ZNF74: variants seen among roughly 807,000 people sequenced by gnomAD.
The protein encoded by ZNF74 is zinc finger protein 74, also known as zinc finger protein 520.
A neutral mutation model predicts 17.7 loss-of-function variants in ZNF74; 12 were observed. The ratio of observed to expected loss-of-function variants is 0.68; its 90% CI spans 0.43 to 1.10. The LOEUF (loss-of-function observed/expected upper bound fraction) is 1.10, where lower values mean the gene tolerates loss of function less well. Ranked by LOEUF, ZNF74 falls within the 50% of genes least tolerant of loss-of-function variation. The pLI, the probability that ZNF74 is intolerant of heterozygous loss-of-function variation, is 0.00. For synonymous variants in ZNF74, 358 were observed against 362.1 expected (o/e 0.99, Z 0.13); for missense variants, 811 against 881.0 (o/e 0.92, Z 1.01).
chr22:20,400,513 C>T, intron 2 of ZNF74, 119 bp from the exon 3 acceptor site: 1 of 1,256,096 alleles, frequency 8.0e-7, no homozygotes, highest in East Asian at 2.3e-5. Flanking sequence ...AACCTTCTGG[C>T]ATGGGAGAAG....
rs2052280816 is a variant in ZNF74 at position 20,395,348 on chromosome 22, A to T, written c.50A>T (p.Asp17Val). Residue 17 changes from aspartate (D) to valine (V), a missense_variant, in exon 2 of 5, where the codon GAT (aspartate) becomes GTT (valine). Around this residue, in one of 3 missense-constraint regions of ZNF74, gnomAD observed 666 missense variants for 702.3 expected, o/e 0.95. Transcript: ENST00000400451. Reference protein sequence around the residue: ...EPEKTALSSQDPALSLKENLE... With the variant: ...EPEKTALSSQVPALSLKENLE... ...CCTTCGCCAGCTCTTTCCTCTCAGG[A>T]TCCTGCTCTTTCCCTGAAAGAGAAT... 1.9e-6 allele frequency: 3 copies of T among 1,602,050 alleles called. No homozygotes were observed. Among genetic ancestry groups the T allele is most frequent in the Non-Finnish European group, 2.6e-6 (3 of 1,170,926 alleles).
chr22:20,406,355 A>G lies in ZNF74; in HGVS notation c.1322A>G (p.Glu441Gly). ...LTLHQRTHTG[E>G]KPFKCADCGK... is the part of the protein sequence containing the mutation. Reference sequence around the variant, plus strand: ...CTCCACCAGAGGACGCACACGGGCGAGAAGCCCTTCAAGTGCGCCGACTGC... The same window carrying G: ...CTCCACCAGAGGACGCACACGGGCGGGAAGCCCTTCAAGTGCGCCGACTGC... Residue 441 changes from glutamate (E) to glycine (G), a missense_variant, in exon 5 of 5, where the codon GAG (glutamate) becomes GGG (glycine). Physicochemically the swap from Glu to Gly is moderately conservative, Grantham distance 98. This residue lies in a region of ZNF74 where 666 missense variants were observed against 702.3 expected (regional missense o/e 0.95). Coordinates refer to ENST00000400451, the MANE Select transcript of ZNF74 (RefSeq NM_003426.4). 6.2e-7 allele frequency: 1 copy of G among 1,613,382 alleles called. No homozygotes were observed. Among genetic ancestry groups the G allele is most frequent in the Non-Finnish European group, 8.5e-7 (1 of 1,179,920 alleles).
At position 20,407,149 on chromosome 22, in the gene ZNF74, A is replaced by G; in HGVS notation, c.*181A>G. On this transcript the variant is annotated 3_prime_UTR_variant, in exon 5 of 5. Transcript: ENST00000400451. The stretch of plus-strand genomic sequence containing the variant: ...TAGTTAAAGTCAGTCACCTCCCCAG[A>G]AGGGCCACACTCCAGGAGGAGTGTT... 1.1e-6 allele frequency: 1 copy of G among 904,612 alleles called. No individual in the cohort carries two copies. The highest frequency in any genetic ancestry group is 1.6e-6 in the Non-Finnish European group (1 of 618,320). The allele number at this position is 904,612 out of a possible 1,614,324, so 56.0% of individuals were successfully genotyped here.
At chr22:20,397,499 G>A (rs1480392792) in intron 2 of ZNF74, among the ~76,000 whole-genome samples, 1 of 152,168 alleles carries the variant, frequency 6.6e-6, no homozygotes, top group Non-Finnish European at 1.5e-5. Context: ...GATATGGGAC[G>A]TTTCCATGAC....
At position 20,405,592 on chromosome 22, in the gene ZNF74, G is replaced by T. The variant is rs1307995073; in HGVS notation, c.559G>T (p.Ala187Ser). Residue 187 changes from alanine to serine, a missense_variant, in exon 5 of 5, where the codon GCC (alanine) becomes TCC (serine). This residue lies in a region of ZNF74 where 666 missense variants were observed against 702.3 expected (regional missense o/e 0.95). Transcript: ENST00000400451. ...ATTCCCCCTCAGGTGTCCCCTCTTC[G>T]CCCAGCAACGCGTTCCCGAGGGGGG... is the stretch of plus-strand genomic sequence containing the variant. Reference protein sequence around the residue: ...EEFPLRCPLFAQQRVPEGGPL... With the variant: ...EEFPLRCPLFSQQRVPEGGPL... 1 of 1,612,786 alleles carries T rather than the reference G, an allele frequency of 6.2e-7. No individual in the cohort carries two copies.
At chr22:20,398,811 T>C (rs362164) in intron 2 of ZNF74, among the ~76,000 whole-genome samples, 99,320 of 151,946 alleles carry the variant, frequency 0.65, 33,475 homozygotes, top group East Asian at 0.94. Flanking sequence ...GCATTCAGCG[T>C]TGTAAATTTC....
At chr22:20,395,993 C>T (rs2052288626) in intron 2 of ZNF74, among the ~76,000 whole-genome samples, 1 of 152,106 alleles carries the variant, frequency 6.6e-6, no homozygotes, top group African/African-American at 2.4e-5. Context: ...GCCCTGGGAA[C>T]TTCTGCAGCC....
rs2052270990 is a variant in ZNF74 at position 20,394,642 on chromosome 22, C to T, written c.14C>T (p.Ala5Val). 2 of 1,614,144 alleles carry T rather than the reference C, an allele frequency of 1.2e-6. No individual in the cohort carries two copies. Among genetic ancestry groups the T allele is most frequent in the Non-Finnish European group, 1.7e-6 (2 of 1,180,002 alleles). MEIPAPEPEKTALSS... is the reference protein window; with the variant it reads MEIPVPEPEKTALSS... ...GCCGTGGAGGCCATGGAGATCCCTG[C>T]CCCGGAGCCCGAGAAGACAGGTACA... is the stretch of plus-strand genomic sequence containing the variant. The change falls in exon 1 of 5, where the codon GCC becomes GTC. Residue 5 changes from alanine (A) to valine (V), a missense_variant. Ala to Val is a moderately conservative substitution (Grantham distance 64, BLOSUM62 0). Around this residue, in one of 3 missense-constraint regions of ZNF74, gnomAD observed 666 missense variants for 702.3 expected, o/e 0.95. Coordinates refer to ENST00000400451, the MANE Select transcript of ZNF74 (RefSeq NM_003426.4).
Position 20,408,307 on chromosome 22 carries a change from T to TCACACA in ZNF74, c.*1341_*1342insCACACA, listed in dbSNP as rs1329152116. On this transcript the variant is annotated 3_prime_UTR_variant, in exon 5 of 5. Transcript: ENST00000400451. ...CAAGAATAAGCTGCCCTCTTGGTGA[T>TCACACA]CATACTTTATACGGAGTGCTATCGT... 18 of 152,248 alleles carry TCACACA rather than the reference T, an allele frequency of 1.2e-4. No individual in the cohort carries two copies. Among genetic ancestry groups the TCACACA allele is most frequent in the Non-Finnish European group, 2.5e-4 (17 of 68,040 alleles). 9.4% of individuals were successfully genotyped at this position (152,248 alleles called of 1,614,324 possible).
chr22:20,396,313 A>G (rs536006302), intron 2 of ZNF74, among the ~76,000 whole-genome samples: 1 of 152,176 alleles, frequency 6.6e-6, no homozygotes, highest in South Asian at 2.1e-4. Flanking sequence ...TATAGTCCTC[A>G]AGAAACTTGA....
chr22:20,400,619 T>A lies in ZNF74; in HGVS notation c.121-13T>A. ...AGAATCAGTCCTGGGTGAGAACCTA[T>A]ATGTCATTTCAGGAATCGGTGAGTT... On this transcript the variant is annotated splice_polypyrimidine_tract_variant and intron_variant, in intron 2 of 4. Transcript: ENST00000400451. 1 of 1,614,086 alleles carries A rather than the reference T, an allele frequency of 6.2e-7. No homozygotes were observed. The highest frequency in any genetic ancestry group is 8.5e-7 in the Non-Finnish European group (1 of 1,180,002).
rs768295102 is a variant in ZNF74, at chr22:20,406,466, G to T, written c.1433G>T (p.Gly478Val). ...GEKPFKCNEC[G>V]KAFSSHAYLI... ...AAGCCCTTCAAGTGCAACGAGTGCGGCAAAGCCTTCAGCTCCCACGCCTAC... is the reference window on the plus strand; with the variant it reads ...AAGCCCTTCAAGTGCAACGAGTGCGTCAAAGCCTTCAGCTCCCACGCCTAC... The change falls in exon 5 of 5, where the codon GGC (glycine) becomes GTC (valine). Residue 478 changes from glycine (G) to valine (V), a missense_variant. Around this residue, in one of 3 missense-constraint regions of ZNF74, gnomAD observed 666 missense variants for 702.3 expected, o/e 0.95. Coordinates refer to ENST00000400451, the MANE Select transcript of ZNF74 (RefSeq NM_003426.4). 9.3e-6 allele frequency: 15 copies of T among 1,613,898 alleles called. No individual in the cohort carries two copies. The Middle Eastern group carries it at 6.6e-4, about 71-fold the overall frequency.
chr22:20,405,915 C>G lies in ZNF74; in HGVS notation c.882C>G (p.His294Gln), dbSNP rs374650149. 4 of 1,613,558 alleles carry G rather than the reference C, an allele frequency of 2.5e-6. No individual in the cohort carries two copies. The highest frequency in any genetic ancestry group is 3.4e-6 in the Non-Finnish European group (4 of 1,179,864). The change falls in exon 5 of 5, where the codon CAC (histidine) becomes CAG (glutamine). Residue 294 changes from histidine to glutamine, a missense_variant. By Grantham distance (24) the His-to-Gln change is conservative. This residue lies in a region of ZNF74 where 666 missense variants were observed against 702.3 expected (regional missense o/e 0.95). Transcript: ENST00000400451. ...CCTGGAGCACCAACCTTCTGGAGCACCGGCGCATCCACACCGGCGAGAAGC... is the reference window on the plus strand; with the variant it reads ...CCTGGAGCACCAACCTTCTGGAGCAGCGGCGCATCCACACCGGCGAGAAGC... ...AFTWSTNLLE[H>Q]RRIHTGEKPF...
At position 20,406,038 on chromosome 22, in the gene ZNF74, C is replaced by A; in HGVS notation, c.1005C>A (p.Ser335Arg). 1 of 1,613,466 alleles carries A rather than the reference C, an allele frequency of 6.2e-7. No individual in the cohort carries two copies. The highest frequency in any genetic ancestry group is 8.5e-7 in the Non-Finnish European group (1 of 1,179,798). The change falls in exon 5 of 5, where the codon AGC (serine) becomes AGA (arginine). Residue 335 changes from serine to arginine, a missense_variant. This residue lies in a region of ZNF74 where 666 missense variants were observed against 702.3 expected (regional missense o/e 0.95). Transcript: ENST00000400451. The stretch of plus-strand genomic sequence containing the variant: ...CGGGCGAGCGGCCCTACAAGTGCAG[C>A]GCCTGCGAGAAGGCCTTCAGCTGCA... ...IHTGERPYKC[S>R]ACEKAFSCSS... is the part of the protein sequence containing the mutation.
Position 20,406,699 on chromosome 22 carries a change from T to G in ZNF74, c.1666T>G (p.Phe556Val), listed in dbSNP as rs749243856. 6.2e-7 allele frequency: 1 copy of G among 1,614,156 alleles called. No homozygotes were observed. The highest frequency in any genetic ancestry group is 1.1e-5 in the South Asian group (1 of 91,088). ...GAAAATCCACTCCGGGGAGAAGTCG[T>G]TTAAGTGTGAGAAATGTGGGGAGAT... ...HQKIHSGEKS[F>V]KCEKCGEMFN... Residue 556 changes from phenylalanine (F) to valine (V), a missense_variant, in exon 5 of 5, where the codon TTT becomes GTT. By Grantham distance (50) the Phe-to-Val change is conservative. Around this residue, in one of 3 missense-constraint regions of ZNF74, gnomAD observed 115 missense variants for 119.5 expected, o/e 0.96. Coordinates refer to ENST00000400451, the MANE Select transcript of ZNF74 (RefSeq NM_003426.4).
chr22:20,406,573 T>G lies in ZNF74; in HGVS notation c.1540T>G (p.Ser514Ala), dbSNP rs2052432564. Reference sequence around the variant, plus strand: ...TTGGAAGGCCTTCAGCTGCCACTCGTCCCTCATCGTGCACCAGCGCATCCA... The same window carrying G: ...TTGGAAGGCCTTCAGCTGCCACTCGGCCCTCATCGTGCACCAGCGCATCCA... Reference protein sequence around the residue: ...QCWKAFSCHSSLIVHQRIHTG... With the variant: ...QCWKAFSCHSALIVHQRIHTG... Residue 514 changes from serine to alanine, a missense_variant, in exon 5 of 5, where the codon TCC becomes GCC. By Grantham distance (99) the Ser-to-Ala change is moderately conservative. Coordinates refer to ENST00000400451, the MANE Select transcript of ZNF74 (RefSeq NM_003426.4). 1 of 1,613,660 alleles carries G rather than the reference T, an allele frequency of 6.2e-7. No homozygotes were observed. Among genetic ancestry groups the G allele is most frequent in the Non-Finnish European group, 8.5e-7 (1 of 1,179,938 alleles).
chr22:20,396,164 T>A (rs1349742244), intron 2 of ZNF74, among the ~76,000 whole-genome samples: 1 of 143,642 alleles, frequency 7.0e-6, no homozygotes, highest in African/African-American at 2.8e-5. Flanking sequence ...GTCTTTGGGT[T>A]TTTGTTTTTT....
Position 20,394,267 on chromosome 22 carries a change from C to A in ZNF74, c.-362C>A, listed in dbSNP as rs1307267222. 2 of 706,914 alleles carry A rather than the reference C, an allele frequency of 2.8e-6. No homozygotes were observed. Among genetic ancestry groups the A allele is most frequent in the Non-Finnish European group, 5.2e-6 (2 of 381,968 alleles). The allele number at this position is 706,914 out of a possible 1,614,324, so 43.8% of individuals were successfully genotyped here. On this transcript the variant is annotated 5_prime_UTR_variant, in exon 1 of 5. It adds an upstream start codon to the 5' untranslated region. Transcript: ENST00000400451. ...CTCTGTCCGCTTCGGGACCTGTCCG[C>A]TGGTCGCTCCGCGTCCGATGGCTCC...
rs1481253760 is a variant in ZNF74 at position 20,401,174 on chromosome 22, G to T, written c.248-103G>T. On this transcript the variant is annotated intron_variant, in intron 3 of 4. Coordinates refer to ENST00000400451, the MANE Select transcript of ZNF74 (RefSeq NM_003426.4). This position sits in a 1 kb window ranked among gnomAD's most constrained non-coding sequence, Gnocchi z 4.2. ...CAGAGGACCTCCTGTTCCCAGAGAG[G>T]GTGTCCACTTCACAGGCATTGTCCT... 8 of 726,640 alleles carry T rather than the reference G, an allele frequency of 1.1e-5. No individual in the cohort carries two copies. The highest frequency in any genetic ancestry group is 1.8e-5 in the South Asian group (1 of 56,846). 45.0% of individuals were successfully genotyped at this position (726,640 alleles called of 1,614,324 possible). A position where few individuals can be genotyped will look rare whatever the true frequency, so the allele number is the denominator to read the frequency against.
Sources: gnomAD v4.1 joint callset for allele counts (sites outside exome capture counted in the v4.1 genomes callset) on GRCh38, gnomAD v4.1.1 for gene constraint, gnomAD v4.1.1 regional missense constraint, Gnocchi (gnomAD v3.1) non-coding constraint, MANE v1.5 for transcripts, NCBI Gene and HGNC (gene_info 2026-07-23, HGNC 2026-07-21) for gene names.